Variants in DMXL2 observed in about 807,000 individuals in gnomAD.
The protein encoded by DMXL2 is dmX-like protein 2.
A neutral mutation model predicts 331.1 loss-of-function variants in DMXL2; 103 were observed. The ratio of observed to expected loss-of-function variants is 0.31; its 90% CI spans 0.27 to 0.37. The LOEUF (loss-of-function observed/expected upper bound fraction) is 0.37, where lower values mean the gene tolerates loss of function less well. Among genes scored for constraint, DMXL2 ranks in the 10% least tolerant of loss-of-function variants. DMXL2 has a pLI of 1.00. For synonymous variants in DMXL2, 1,281 were observed against 1,252.1 expected (o/e 1.02, Z -0.49); for missense variants, 3,171 against 3,642.9 (o/e 0.87, Z 3.33).
intron 13 of DMXL2, among the ~76,000 whole-genome samples, chr15:51,522,559 A>T (rs2047438054): frequency 6.6e-6 from 1 of 152,146 alleles, no homozygotes; most frequent in African/African-American, 2.4e-5. Context: ...CACAAGAATC[A>T]CTTGAACCTA....
At chr15:51,551,902 A>T (rs1254297207) in intron 6 of DMXL2, among the ~76,000 whole-genome samples, 8 of 152,234 alleles carry the variant, frequency 5.3e-5, no homozygotes, top group Non-Finnish European at 1.0e-4. Flanking sequence ...AGCAGAGGGC[A>T]CCAGGAAAGT....
chr15:51,601,470 G>A (rs1219341042), intron 1 of DMXL2, among the ~76,000 whole-genome samples: 1 of 152,074 alleles, frequency 6.6e-6, no homozygotes, highest in African/African-American at 2.4e-5. Flanking sequence ...TAGGGACCAA[G>A]TCTTCCTTCT....
In DMXL2 at chr15:51,622,554, C is replaced by G. The variant is rs756843698; in HGVS notation, c.-9G>C. The stretch of plus-strand genomic sequence containing the variant: ...ACCTGATGCAGATGCATCTCCGGAG[C>G]CCGGGCTGGACAGAATGCGCGGGAG... On this transcript the variant is annotated 5_prime_UTR_variant, in exon 1 of 44. Coordinates refer to ENST00000560891, the MANE Select transcript of DMXL2 (RefSeq NM_001378457.1). The G allele has an allele frequency of 5.8e-6, 9 of 1,550,238 alleles. No homozygotes were observed. The African/African-American group carries it at 1.2e-4, about 21-fold the overall frequency.
intron 20 of DMXL2, among the ~76,000 whole-genome samples, 189 bp from the exon 21 acceptor site, chr15:51,488,834 C>T (rs1049946450): frequency 4.6e-5 from 7 of 152,290 alleles, no homozygotes; most frequent in African/African-American, 1.7e-4. Flanking sequence ...CATTCGCAAG[C>T]CAGTAATTAT....
chr15:51,542,728 T>C (rs1311125783), intron 8 of DMXL2, among the ~76,000 whole-genome samples: 1 of 152,142 alleles, frequency 6.6e-6, no homozygotes, highest in Non-Finnish European at 1.5e-5. Flanking sequence ...AAAATACTTA[T>C]TCATGGTATC....
At chr15:51,552,481 C>T (rs2049285016) in intron 6 of DMXL2, among the ~76,000 whole-genome samples, 1 of 152,212 alleles carries the variant, frequency 6.6e-6, no homozygotes, top group Admixed American at 6.5e-5. Flanking sequence ...AGTTTCTTTG[C>T]TTTAATTTAC....
intron 1 of DMXL2, among the ~76,000 whole-genome samples, chr15:51,601,697 G>C (rs564022254): frequency 6.6e-6 from 1 of 152,026 alleles, no homozygotes; most frequent in African/African-American, 2.4e-5. Context: ...CTTCTTTATT[G>C]CTCTTCAATA....
intron 1 of DMXL2, among the ~76,000 whole-genome samples, chr15:51,590,175 G>T (rs1451288659): frequency 6.6e-6 from 1 of 152,210 alleles, no homozygotes; most frequent in African/African-American, 2.4e-5. Context: ...TAGCCAGCAA[G>T]CTATGATGTG....
At chr15:51,587,474 C>T (rs1434296439) in intron 1 of DMXL2, among the ~76,000 whole-genome samples, 1 of 152,174 alleles carries the variant, frequency 6.6e-6, no homozygotes, top group Non-Finnish European at 1.5e-5. Context: ...CAGCTTCATC[C>T]ATGTCCCTAC....
chr15:51,521,079 A>G (rs554852051), intron 13 of DMXL2, among the ~76,000 whole-genome samples: 2 of 152,128 alleles, frequency 1.3e-5, no homozygotes, highest in South Asian at 4.2e-4. Context: ...ATCAATTTAT[A>G]TAATATTTAA....
At chr15:51,506,612 C>A (rs1288482418) in intron 16 of DMXL2, among the ~76,000 whole-genome samples, 1 of 152,024 alleles carries the variant, frequency 6.6e-6, no homozygotes, top group African/African-American at 2.4e-5. Context: ...CGCCACCACG[C>A]CCGGCTAATT....
chr15:51,542,530 G>A, intron 8 of DMXL2, 23 bp from the exon 9 acceptor site: 1 of 1,587,236 alleles, frequency 6.3e-7, no homozygotes, highest in Non-Finnish European at 8.6e-7. Flanking sequence ...AATAGTTGCT[G>A]AGTCCAACTC....
chr15:51,538,341 ACTT>A lies in DMXL2; in HGVS notation c.1214_1216del (p.Glu405del). On this transcript the variant is annotated inframe_deletion, in exon 10 of 44. Transcript: ENST00000560891. Reference sequence around the variant, plus strand: ...AAGTTTTCGTAATTGATGCATAAATACTTCTGTAGATGATGTAAAATGAAATTC... The same window carrying A: ...AAGTTTTCGTAATTGATGCATAAATACTGTAGATGATGTAAAATGAAATTC... 1 of 1,613,864 alleles carries A rather than the reference ACTT, an allele frequency of 6.2e-7. No individual in the cohort carries two copies. The highest frequency in any genetic ancestry group is 8.5e-7 in the Non-Finnish European group (1 of 1,179,842).
At chr15:51,510,092 C>T (rs1362917098) in intron 15 of DMXL2, among the ~76,000 whole-genome samples, 2 of 152,152 alleles carry the variant, frequency 1.3e-5, no homozygotes, top group Admixed American at 1.3e-4. Context: ...AAACCCACAG[C>T]CAATATCATG....
chr15:51,487,852 G>T, intron 22 of DMXL2, 102 bp downstream of exon 22: 1 of 979,636 alleles, frequency 1.0e-6, no homozygotes, highest in East Asian at 2.7e-5. Flanking sequence ...TAGTTATTCT[G>T]TGTCCTAACA....
At position 51,448,941 on chromosome 15, in the gene DMXL2, G is replaced by A. The variant is rs143469050; in HGVS notation, c.*43C>T. 175 of 1,574,502 alleles carry A rather than the reference G, an allele frequency of 1.1e-4. 1 individual carries two copies. In the African/African-American group the frequency reaches 2.1e-3, roughly 19 times the overall value. ...AGAATTGCCTAGTGATGACTGTAGTGTGCCTTTTAACTGAAATGTATATAA... is the reference window on the plus strand; with the variant it reads ...AGAATTGCCTAGTGATGACTGTAGTATGCCTTTTAACTGAAATGTATATAA... On this transcript the variant is annotated 3_prime_UTR_variant, in exon 44 of 44. Coordinates refer to ENST00000560891, the MANE Select transcript of DMXL2 (RefSeq NM_001378457.1).
At chr15:51,585,672 G>T (rs965827188) in intron 1 of DMXL2, among the ~76,000 whole-genome samples, 2 of 152,116 alleles carry the variant, frequency 1.3e-5, no homozygotes, top group African/African-American at 4.8e-5. Context: ...CTGTATAAAA[G>T]TACCTATTTC....
chr15:51,570,268 A>G (rs886916107), intron 2 of DMXL2, among the ~76,000 whole-genome samples: 2 of 152,304 alleles, frequency 1.3e-5, no homozygotes, highest in Admixed American at 1.3e-4. Context: ...AAATGAACAA[A>G]TCCTTCAAGA....
Position 51,476,621 on chromosome 15 carries a change from G to C in DMXL2, c.6932C>G (p.Ala2311Gly). ...RLRTESIEEH[A>G]TPNSSPAQWP... ...TTGAGCAGGAGATGAATTTGGTGTT[G>C]CGTGTTCTTCAATGCTTTCTGTCCT... The change falls in exon 27 of 44, where the codon GCA (alanine) becomes GGA (glycine). Residue 2311 changes from alanine to glycine, a missense_variant. Ala to Gly is a moderately conservative substitution (Grantham distance 60, BLOSUM62 0). This residue lies in a region of DMXL2 where 766 missense variants were observed against 940.5 expected (regional missense o/e 0.81). Coordinates refer to ENST00000560891, the MANE Select transcript of DMXL2 (RefSeq NM_001378457.1). 3 of 1,610,906 alleles carry C rather than the reference G, an allele frequency of 1.9e-6. No individual in the cohort carries two copies. The highest frequency in any genetic ancestry group is 2.5e-6 in the Non-Finnish European group (3 of 1,178,942).
Sources: gnomAD v4.1 joint callset for allele counts (sites outside exome capture counted in the v4.1 genomes callset) on GRCh38, gnomAD v4.1.1 for gene constraint, gnomAD v4.1.1 regional missense constraint, MANE v1.5 for transcripts, NCBI Gene and HGNC (gene_info 2026-07-23, HGNC 2026-07-21) for gene names.